MICU2: variants seen among roughly 807,000 people sequenced by gnomAD.
MICU2 encodes the protein calcium uptake protein 2, mitochondrial.
MICU2 carries 64 observed loss-of-function variants against 60.4 expected under a neutral mutation model. That is an observed-to-expected ratio of 1.06 (90% CI 0.87 to 1.31). The LOEUF (loss-of-function observed/expected upper bound fraction) is 1.31. MICU2 is among the 50% of genes most tolerant of loss of function. The pLI, the probability that MICU2 is intolerant of heterozygous loss-of-function variation, is 0.00. For synonymous variants in MICU2, 201 were observed against 175.0 expected (o/e 1.15, Z -1.17); for missense variants, 569 against 531.0 (o/e 1.07, Z -0.70).
rs201309434 is a variant in MICU2 at position 21,535,323 on chromosome 13, G to GA, written c.466+3978dup. ...CCCTCCCCAGCCTTCCTTACTTCAGGAAAAAAACATCAAATAATCATAAGA... is the reference window on the plus strand; with the variant it reads ...CCCTCCCCAGCCTTCCTTACTTCAGGAAAAAAAACATCAAATAATCATAAGA... On this transcript the variant is annotated intron_variant, in intron 4 of 11. Coordinates refer to ENST00000382374, the MANE Select transcript of MICU2 (RefSeq NM_152726.3). Among the ~76,000 whole-genome samples, 873 of 151,594 alleles carry GA rather than the reference G, an allele frequency of 5.8e-3. 7 individuals are homozygous for GA. Among genetic ancestry groups the GA allele is most frequent in the African/African-American group, 0.019 (789 of 41,338 alleles).
intron 1 of MICU2, 118 bp from the exon 2 acceptor site, chr13:21,567,062 A>T: frequency 1.2e-6 from 1 of 828,024 alleles, no homozygotes; most frequent in Non-Finnish European, 1.8e-6. Context: ...AACTTTTAAA[A>T]TCATTCATTT....
intron 8 of MICU2, among the ~76,000 whole-genome samples, chr13:21,507,492 G>C (rs1012591473): frequency 2.0e-5 from 3 of 152,004 alleles, no homozygotes; most frequent in Non-Finnish European, 2.9e-5. Context: ...ACAAGAAGAG[G>C]TATGGTTTAA....
chr13:21,596,305 C>G (rs1017635753), intron 1 of MICU2, among the ~76,000 whole-genome samples: 1 of 152,088 alleles, frequency 6.6e-6, no homozygotes, highest in African/African-American at 2.4e-5. Flanking sequence ...TTCCTTCTCC[C>G]TCCATCTCCA....
At chr13:21,598,641 G>A (rs772408801) in intron 1 of MICU2, among the ~76,000 whole-genome samples, 10 of 152,058 alleles carry the variant, frequency 6.6e-5, no homozygotes, top group East Asian at 3.9e-4. Flanking sequence ...GCTTGAACCC[G>A]GGAGGCGGAG....
chr13:21,601,533 G>A (rs2138081632), intron 1 of MICU2, among the ~76,000 whole-genome samples: 1 of 152,276 alleles, frequency 6.6e-6, no homozygotes, highest in African/African-American at 2.4e-5. Flanking sequence ...CAGGGAAGGA[G>A]AGCTGAGAGT....
intron 11 of MICU2, among the ~76,000 whole-genome samples, chr13:21,493,864 A>C (rs1885923518): frequency 6.6e-6 from 1 of 152,134 alleles, no homozygotes; most frequent in African/African-American, 2.4e-5. Context: ...TGTTAGCTAA[A>C]AATACATGTG....
chr13:21,567,635 G>C (rs750047481), intron 1 of MICU2, among the ~76,000 whole-genome samples: 6 of 152,180 alleles, frequency 3.9e-5, no homozygotes, highest in Non-Finnish European at 8.8e-5. Context: ...GGAATATGGT[G>C]GAAGAGTCTG....
At chr13:21,574,244 C>T (rs1888176176) in intron 1 of MICU2, among the ~76,000 whole-genome samples, 1 of 152,066 alleles carries the variant, frequency 6.6e-6, no homozygotes, top group South Asian at 2.1e-4. Context: ...CCTTCTATTG[C>T]CATGATTTGC....
chr13:21,546,287 T>C (rs1031731926), intron 2 of MICU2, among the ~76,000 whole-genome samples: 2 of 130,414 alleles, frequency 1.5e-5, no homozygotes, highest in African/African-American at 5.3e-5. Context: ...TTGGAAGGGA[T>C]AAAAAGACTT....
At chr13:21,511,381 A>G (rs1886424712) in intron 7 of MICU2, among the ~76,000 whole-genome samples, 1 of 152,230 alleles carries the variant, frequency 6.6e-6, no homozygotes, top group African/African-American at 2.4e-5. Context: ...AGCAAGAAAT[A>G]GAAAAAGAAC....
chr13:21,546,159 A>C (rs1887412843), intron 2 of MICU2, among the ~76,000 whole-genome samples: 1 of 152,208 alleles, frequency 6.6e-6, no homozygotes, highest in Admixed American at 6.5e-5. Flanking sequence ...TAAATAGTGG[A>C]TGCAAAGGTA....
chr13:21,574,374 G>A (rs1258099097), intron 1 of MICU2, among the ~76,000 whole-genome samples: 1 of 152,210 alleles, frequency 6.6e-6, no homozygotes, highest in African/African-American at 2.4e-5. Context: ...TATATAAAAT[G>A]CTCCATGGAT....
intron 4 of MICU2, among the ~76,000 whole-genome samples, chr13:21,538,695 A>C (rs1477232041): frequency 6.6e-6 from 1 of 152,142 alleles, no homozygotes; most frequent in African/African-American, 2.4e-5. Context: ...TTTGAACTAA[A>C]TGGGAGGATG....
chr13:21,597,119 CTATCT>C lies in MICU2; in HGVS notation c.210+6815_210+6819del, dbSNP rs566533515. Among the ~76,000 whole-genome samples the C allele has an allele frequency of 2.1e-3, 319 of 152,174 alleles. 1 individual carries two copies. Among genetic ancestry groups the C allele is most frequent in the African/African-American group, 7.5e-3 (310 of 41,516 alleles). On this transcript the variant is annotated intron_variant, in intron 1 of 11. Transcript: ENST00000382374. ...ATGTTAATAATATATATTAAAAATG[CTATCT>C]TATATGTAGTCACAGGTTAAATTGA...
Position 21,515,937 on chromosome 13 carries a change from C to T in MICU2, c.598-1519G>A, listed in dbSNP as rs79468883. ...CAAGTTCAATATCCAAACATTTCTC[C>T]CTGTGCTTATTCCCCTGGAACCTCT... On this transcript the variant is annotated intron_variant, in intron 6 of 11. Coordinates refer to ENST00000382374, the MANE Select transcript of MICU2 (RefSeq NM_152726.3). Among the ~76,000 whole-genome samples, 591 of 152,148 alleles carry T rather than the reference C, an allele frequency of 3.9e-3. 10 individuals carry two copies. The highest frequency in any genetic ancestry group is 0.013 in the African/African-American group (550 of 41,502).
intron 1 of MICU2, among the ~76,000 whole-genome samples, chr13:21,592,772 T>C (rs1009865359): frequency 1.3e-5 from 2 of 152,196 alleles, no homozygotes; most frequent in Non-Finnish European, 2.9e-5. Flanking sequence ...AACCACACGA[T>C]TATCTCAATA....
intron 1 of MICU2, among the ~76,000 whole-genome samples, chr13:21,593,398 T>C (rs540501774): frequency 1.3e-5 from 2 of 152,042 alleles, no homozygotes; most frequent in African/African-American, 2.4e-5. Flanking sequence ...TCCTTGCTCA[T>C]GGATAGGAAG....
chr13:21,556,221 TG>T (rs917263305), intron 2 of MICU2, among the ~76,000 whole-genome samples: 1 of 152,222 alleles, frequency 6.6e-6, no homozygotes, highest in Non-Finnish European at 1.5e-5. Context: ...CCAAATCTAA[TG>T]GTCAATTCTT....
intron 1 of MICU2, among the ~76,000 whole-genome samples, chr13:21,593,845 C>T (rs1390710975): frequency 6.6e-6 from 1 of 152,144 alleles, no homozygotes; most frequent in Non-Finnish European, 1.5e-5. Context: ...AAAACAGAAA[C>T]TGGACGCCTT....
Sources: allele counts gnomAD v4.1 joint callset (sites outside exome capture counted in the v4.1 genomes callset), GRCh38; gene constraint gnomAD v4.1.1; transcripts MANE v1.5; gene names NCBI Gene and HGNC (gene_info 2026-07-23, HGNC 2026-07-21).